Variants in BCAT1 observed in about 807,000 individuals in gnomAD.
BCAT1 encodes branched chain amino acid transaminase 1, also known as branched-chain-amino-acid aminotransferase, cytosolic.
Under a neutral mutation model 52.4 loss-of-function variants are expected in BCAT1, and 48 were observed. The observed-to-expected ratio is 0.92, with a 90% CI of 0.73 to 1.16. The LOEUF (loss-of-function observed/expected upper bound fraction) is 1.16, where lower values mean the gene tolerates loss of function less well. Among genes scored for constraint, BCAT1 ranks in the 50% most tolerant of loss-of-function variants. The pLI, the probability that BCAT1 is intolerant of heterozygous loss-of-function variation, is 0.00. For missense variants in BCAT1, 451 were observed against 457.1 expected (o/e 0.99, Z 0.12); for synonymous variants, 167 against 161.3 (o/e 1.04, Z -0.27).
chr12:24,874,740 G>A lies in BCAT1; in HGVS notation c.510+3790C>T, dbSNP rs967581630. ...CTCTGATCCTGGCTCTAGAAATTTCGATTTGGGTCTGGGCTGGGGCCCAAC... is the reference window on the plus strand; with the variant it reads ...CTCTGATCCTGGCTCTAGAAATTTCAATTTGGGTCTGGGCTGGGGCCCAAC... On this transcript the variant is annotated intron_variant, in intron 5 of 10. Transcript: ENST00000261192. Among the ~76,000 whole-genome samples, 8 of 152,158 alleles carry A rather than the reference G, an allele frequency of 5.3e-5. No homozygotes were observed. In the East Asian group the frequency reaches 1.3e-3, roughly 26 times the overall value.
chr12:24,933,837 C>T (rs1007487145), intron 1 of BCAT1, among the ~76,000 whole-genome samples: 4 of 152,062 alleles, frequency 2.6e-5, no homozygotes, highest in Non-Finnish European at 5.9e-5. Flanking sequence ...ATTTTATAGT[C>T]AGGCTTGAGG....
intron 5 of BCAT1, among the ~76,000 whole-genome samples, chr12:24,868,590 C>A (rs1942092491): frequency 6.6e-6 from 1 of 151,768 alleles, no homozygotes; most frequent in Non-Finnish European, 1.5e-5. Flanking sequence ...GGTCTCCGTG[C>A]AGAAAAATAA....
At chr12:24,938,800 A>T (rs1943806262) in intron 1 of BCAT1, among the ~76,000 whole-genome samples, 1 of 152,050 alleles carries the variant, frequency 6.6e-6, no homozygotes, top group African/African-American at 2.4e-5. Flanking sequence ...TGTCTTTTCC[A>T]CATACACAGA....
intron 3 of BCAT1, among the ~76,000 whole-genome samples, chr12:24,887,080 A>AAAAAAAAAT (rs1245203518): frequency 0.017 from 702 of 40,646 alleles, 31 homozygotes; most frequent in Non-Finnish European, 0.026. Context: ...AAAAAAAAAA[A>AAAAAAAAAT]ATATATATAT....
At chr12:24,894,209 G>C (rs1456082856) in intron 3 of BCAT1, 66 bp downstream of exon 3, 13 of 1,486,640 alleles carry the variant, frequency 8.7e-6, no homozygotes, top group Non-Finnish European at 1.1e-5. Flanking sequence ...ATTTTAGCAG[G>C]AGAAGCTACT....
At chr12:24,890,152 G>A (rs947534056) in intron 3 of BCAT1, among the ~76,000 whole-genome samples, 1 of 152,012 alleles carries the variant, frequency 6.6e-6, no homozygotes, top group South Asian at 2.1e-4. Flanking sequence ...ACCAGAAGAG[G>A]GGGTCATGGG....
At chr12:24,823,212 C>T (rs910873284) in intron 10 of BCAT1, among the ~76,000 whole-genome samples, 2 of 138,298 alleles carry the variant, frequency 1.4e-5, no homozygotes, top group Admixed American at 7.4e-5. Flanking sequence ...ACACCATGCC[C>T]GATTAATTTG....
chr12:24,912,344 C>T (rs1461304738), intron 1 of BCAT1, among the ~76,000 whole-genome samples: 1 of 152,046 alleles, frequency 6.6e-6, no homozygotes, highest in Admixed American at 6.6e-5. Flanking sequence ...GAAACCCCGT[C>T]TCTACCAAAA....
chr12:24,879,101 A>G (rs1273842143), intron 4 of BCAT1, among the ~76,000 whole-genome samples: 3 of 152,230 alleles, frequency 2.0e-5, no homozygotes, highest in Non-Finnish European at 2.9e-5. Flanking sequence ...TTTAAAAAGT[A>G]CAAAATATCT....
chr12:24,873,124 A>G (rs1265318453), intron 5 of BCAT1, among the ~76,000 whole-genome samples: 1 of 152,246 alleles, frequency 6.6e-6, no homozygotes, highest in East Asian at 1.9e-4. Context: ...CCTTGGATGT[A>G]GTGTTGTTAA....
At chr12:24,830,060 T>C (rs1940586289) in intron 9 of BCAT1, among the ~76,000 whole-genome samples, 163 bp from the exon 10 acceptor site, 2 of 152,228 alleles carry the variant, frequency 1.3e-5, no homozygotes, top group Non-Finnish European at 2.9e-5. Flanking sequence ...TGCCAAAGAC[T>C]TTCATATCCA....
At chr12:24,831,980 C>A (rs1940686088) in intron 9 of BCAT1, among the ~76,000 whole-genome samples, 1 of 152,238 alleles carries the variant, frequency 6.6e-6, no homozygotes, top group South Asian at 2.1e-4. Context: ...AGTAAATGCA[C>A]CAGGTTTGCC....
At chr12:24,930,812 G>A (rs113613740) in intron 1 of BCAT1, among the ~76,000 whole-genome samples, 6,678 of 151,564 alleles carry the variant, frequency 0.044, 377 homozygotes, top group African/African-American at 0.13. Flanking sequence ...CCTTTAGAAG[G>A]TTCTTTAGAT....
At position 24,849,945 on chromosome 12, in the gene BCAT1, G is replaced by T; in HGVS notation, c.515C>A (p.Ser172Tyr). The T allele has an allele frequency of 6.2e-7, 1 of 1,606,386 alleles. No individual in the cohort carries two copies. Among genetic ancestry groups the T allele is most frequent in the Admixed American group, 1.7e-5 (1 of 59,486 alleles). The change falls in exon 6 of 11, where the codon TCT becomes TAT. Residue 172 changes from serine to tyrosine, a missense_variant. Ser to Tyr is a moderately radical substitution (Grantham distance 144). Transcript: ENST00000261192. ...TTTGGTAGGCTTCTTGACTCCAAGAGAAGGCTGCAACAAAGTAGAAGTACA... is the reference window on the plus strand; with the variant it reads ...TTTGGTAGGCTTCTTGACTCCAAGATAAGGCTGCAACAAAGTAGAAGTACA... ...IRPTFIGTEPSLGVKKPTKAL... is the reference protein window; with the variant it reads ...IRPTFIGTEPYLGVKKPTKAL...
chr12:24,938,285 A>G (rs1943796355), intron 1 of BCAT1, among the ~76,000 whole-genome samples: 1 of 152,206 alleles, frequency 6.6e-6, no homozygotes, highest in African/African-American at 2.4e-5. Context: ...AGAGAAAATG[A>G]GCAGCTTCCA....
chr12:24,938,031 C>T (rs940828763), intron 1 of BCAT1, among the ~76,000 whole-genome samples: 8 of 152,144 alleles, frequency 5.3e-5, no homozygotes, highest in Non-Finnish European at 1.0e-4. Flanking sequence ...GGGCCATCCA[C>T]ATGCACCTTA....
intron 10 of BCAT1, among the ~76,000 whole-genome samples, chr12:24,822,433 T>A (rs148910228): frequency 6.0e-4 from 92 of 152,338 alleles, no homozygotes; most frequent in Non-Finnish European, 1.0e-3. Flanking sequence ...CTTCTTCAAT[T>A]TATCAGAGCA....
intron 1 of BCAT1, among the ~76,000 whole-genome samples, chr12:24,913,045 AGTTTTT>A (rs1943355283): frequency 6.6e-6 from 1 of 152,196 alleles, no homozygotes; most frequent in African/African-American, 2.4e-5. Flanking sequence ...TTTAATGGAC[AGTTTTT>A]GTTTTGTTTT....
chr12:24,884,816 TCA>T (rs1565482018), intron 3 of BCAT1, among the ~76,000 whole-genome samples: 1 of 152,176 alleles, frequency 6.6e-6, no homozygotes, highest in Non-Finnish European at 1.5e-5. Flanking sequence ...TTCATTATAT[TCA>T]CAGTTTATGG....
Sources: allele counts gnomAD v4.1 joint callset (sites outside exome capture counted in the v4.1 genomes callset), GRCh38; gene constraint gnomAD v4.1.1; transcripts MANE v1.5; gene names NCBI Gene and HGNC (gene_info 2026-07-23, HGNC 2026-07-21).